The following RECQL variants were observed in gnomAD, a reference collection of about 807,000 sequenced individuals.
RECQL encodes ATP-dependent DNA helicase Q1.
RECQL carries 73 observed loss-of-function variants against 75.8 expected under a neutral mutation model. That is an observed-to-expected ratio of 0.96 (90% CI 0.80 to 1.17). The LOEUF (loss-of-function observed/expected upper bound fraction) is 1.17, where lower values mean the gene tolerates loss of function less well. Ranked by LOEUF, RECQL falls within the 50% of genes most tolerant of loss-of-function variation. The probability of loss-of-function intolerance (pLI) is 0.00; values close to 1 mark genes in which losing one functional copy is unlikely to be tolerated. For missense variants in RECQL, 699 were observed against 772.1 expected, an observed-to-expected ratio of 0.91 and a Z score of 1.12; for synonymous variants, 248 against 254.4, an observed-to-expected ratio of 0.97 and a Z score of 0.24.
At chr12:21,500,050 G>A (rs1208341912) in intron 1 of RECQL, among the ~76,000 whole-genome samples, 2 of 152,212 alleles carry the variant, frequency 1.3e-5, no homozygotes, top group Non-Finnish European at 2.9e-5. Flanking sequence ...TTCCCTACCT[G>A]TAAAACTGGG....
intron 1 of RECQL, among the ~76,000 whole-genome samples, chr12:21,500,191 G>A (rs917796087): frequency 6.6e-6 from 1 of 152,010 alleles, no homozygotes; most frequent in African/African-American, 2.4e-5. Context: ...TACAATATAA[G>A]CCCAATCTTA....
intron 4 of RECQL, among the ~76,000 whole-genome samples, chr12:21,489,994 C>T (rs944283760): frequency 6.6e-6 from 1 of 152,102 alleles, no homozygotes; most frequent in Non-Finnish European, 1.5e-5. Flanking sequence ...AACAAACCTG[C>T]ACATATACCC....
In RECQL at chr12:21,470,061, T is replaced by C; in HGVS notation, c.*133A>G. On this transcript the variant is annotated 3_prime_UTR_variant, in exon 15 of 15. Transcript: ENST00000444129. The stretch of plus-strand genomic sequence containing the variant: ...TCTCAAAAGTTTAGATCTTCAGAGA[T>C]AAGCTCTGAAAATATAGATCCATAC... The C allele has an allele frequency of 3.1e-6, 2 of 647,766 alleles. No individual in the cohort carries two copies. The highest frequency in any genetic ancestry group is 4.9e-6 in the Non-Finnish European group (2 of 406,032). The allele number at this position is 647,766 out of a possible 1,614,324, so 40.1% of individuals were successfully genotyped here.
intron 6 of RECQL, among the ~76,000 whole-genome samples, chr12:21,482,669 G>C (rs529149530): frequency 6.6e-6 from 1 of 152,284 alleles, no homozygotes; most frequent in East Asian, 1.9e-4. Flanking sequence ...ACGGGAAACA[G>C]AGTGATTGCT....
chr12:21,481,741 C>A (rs1943195489), intron 6 of RECQL, among the ~76,000 whole-genome samples: 1 of 152,120 alleles, frequency 6.6e-6, no homozygotes, highest in South Asian at 2.1e-4. Context: ...AGACTGAGGT[C>A]AGAACCCTAG....
chr12:21,500,703 T>A (rs2136790774), intron 1 of RECQL, among the ~76,000 whole-genome samples: 1 of 152,292 alleles, frequency 6.6e-6, no homozygotes, highest in Non-Finnish European at 1.5e-5. Context: ...TGGGGTTCAA[T>A]CTCTTCACCT....
At chr12:21,478,323 A>G (rs1189883678) in intron 6 of RECQL, among the ~76,000 whole-genome samples, 2 of 152,082 alleles carry the variant, frequency 1.3e-5, no homozygotes, top group Non-Finnish European at 2.9e-5. Flanking sequence ...TATATAACCT[A>G]TTTCTCGGAA....
chr12:21,477,878 A>G lies in RECQL; in HGVS notation c.792T>C (p.Asp264=), dbSNP rs1050592994. ...TTTCAATGCACAAAATTTTCTGAGC[A>G]TCCGTCAAAACGTGATTTGTTGCAG... is the stretch of plus-strand genomic sequence containing the variant. ...TATATNHVLT[D]AQKILCIEKC... The change falls in exon 7 of 15, where the codon GAT becomes GAC. Residue 264 remains aspartate (D), a synonymous_variant. Transcript: ENST00000444129. 6.2e-7 allele frequency: 1 copy of G among 1,614,076 alleles called. No homozygotes were observed. The highest frequency in any genetic ancestry group is 1.7e-5 in the Admixed American group (1 of 60,018).
intron 6 of RECQL, 112 bp from the exon 7 acceptor site, chr12:21,478,081 CATCT>C: frequency 9.8e-7 from 1 of 1,022,944 alleles, no homozygotes; most frequent in East Asian, 2.6e-5. Flanking sequence ...TTTCCACAGC[CATCT>C]ATAGCAGTAA....
intron 2 of RECQL, among the ~76,000 whole-genome samples, chr12:21,499,227 A>G (rs1164410155): frequency 6.6e-6 from 1 of 152,240 alleles, no homozygotes; most frequent in Non-Finnish European, 1.5e-5. Context: ...AGAAACAGAA[A>G]GTAGAATAGT....
At chr12:21,496,605 A>C (rs12231436) in intron 2 of RECQL, among the ~76,000 whole-genome samples, 32,750 of 152,192 alleles carry the variant, frequency 0.22, 4,207 homozygotes, top group South Asian at 0.3. Flanking sequence ...ACAAACTGCT[A>C]AGAGAGACAC....
chr12:21,496,383 G>C (rs1943509415), intron 2 of RECQL, among the ~76,000 whole-genome samples: 1 of 152,228 alleles, frequency 6.6e-6, no homozygotes, highest in Non-Finnish European at 1.5e-5. Context: ...TAGCATAGGG[G>C]AATAGTATAG....
chr12:21,472,603 T>A (rs1943000265), intron 12 of RECQL, among the ~76,000 whole-genome samples: 1 of 152,114 alleles, frequency 6.6e-6, no homozygotes. Context: ...ACTGTCATGG[T>A]GCTAGTGGGA....
rs139352907 is a variant in RECQL, at chr12:21,496,854, C to T, written c.16+2701G>A. On this transcript the variant is annotated intron_variant, in intron 2 of 14. Transcript: ENST00000444129. Reference sequence around the variant, plus strand: ...AACTTGCCGGTTTTGAGTAGGACCTCGAACAAGAGGTAACGCCATGATACA... The same window carrying T: ...AACTTGCCGGTTTTGAGTAGGACCTTGAACAAGAGGTAACGCCATGATACA... Among the ~76,000 whole-genome samples, 15 of 152,234 alleles carry T rather than the reference C, an allele frequency of 9.9e-5. No homozygotes were observed. The East Asian group carries it at 2.1e-3, about 22-fold the overall frequency.
rs189275364 is a variant in RECQL, at chr12:21,470,002, A to G, written c.*192T>C. On this transcript the variant is annotated 3_prime_UTR_variant, in exon 15 of 15. Coordinates refer to ENST00000444129, the MANE Select transcript of RECQL (RefSeq NM_002907.4). ...TTTTTCCCTTGTTTTATACTGGAAA[A>G]TTATATAATTCATGATCTCTAATTT... 661 of 711,578 alleles carry G rather than the reference A, an allele frequency of 9.3e-4. 4 individuals carry two copies. Among genetic ancestry groups the G allele is most frequent in the East Asian group, 2.8e-4 (8 of 28,454 alleles). The allele number at this position is 711,578 out of a possible 1,614,324, so 44.1% of individuals were successfully genotyped here.
intron 1 of RECQL, among the ~76,000 whole-genome samples, chr12:21,500,910 T>C (rs932522955): frequency 6.6e-6 from 1 of 152,128 alleles, no homozygotes; most frequent in African/African-American, 2.4e-5. Context: ...GCAAAAGATA[T>C]CTCAACATAA....
chr12:21,480,837 G>A (rs906033345), intron 6 of RECQL, among the ~76,000 whole-genome samples: 6 of 152,194 alleles, frequency 3.9e-5, no homozygotes, highest in African/African-American at 1.4e-4. Context: ...CAGCACCAGG[G>A]AGCTCAGTTC....
chr12:21,490,839 G>A (rs1338536595), intron 3 of RECQL, among the ~76,000 whole-genome samples: 1 of 152,006 alleles, frequency 6.6e-6, no homozygotes, highest in East Asian at 1.9e-4. Context: ...GGGCAACAAA[G>A]CAAGACCCTA....
At chr12:21,470,871 A>G in intron 14 of RECQL, 98 bp downstream of exon 14, 1 of 837,552 alleles carries the variant, frequency 1.2e-6, no homozygotes, top group Non-Finnish European at 1.6e-6. Flanking sequence ...GACTTTTCTC[A>G]TGTTCAACTG....
Sources: allele counts gnomAD v4.1 joint callset (sites outside exome capture counted in the v4.1 genomes callset), GRCh38; gene constraint gnomAD v4.1.1; transcripts MANE v1.5; gene names NCBI Gene and HGNC (gene_info 2026-07-23, HGNC 2026-07-21).